Variants in HS3ST4 observed in about 807,000 individuals in gnomAD.
HS3ST4 encodes the protein heparan sulfate-glucosamine 3-sulfotransferase 4.
Under a neutral mutation model 29.2 loss-of-function variants are expected in HS3ST4, and 17 were observed. The ratio of observed to expected loss-of-function variants is 0.58; its 90% CI spans 0.40 to 0.87. HS3ST4 has a LOEUF of 0.87. HS3ST4 is among the 40% of genes least tolerant of loss of function. The pLI is 0.00. For missense variants in HS3ST4, 627 were observed against 634.5 expected, an observed-to-expected ratio of 0.99 and a Z score of 0.13; for synonymous variants, 314 against 285.7, an observed-to-expected ratio of 1.10 and a Z score of -1.00.
At chr16:25,863,789 C>T (rs992529840) in intron 1 of HS3ST4, among the ~76,000 whole-genome samples, 3 of 152,218 alleles carry the variant, frequency 2.0e-5, no homozygotes, top group Non-Finnish European at 4.4e-5. Flanking sequence ...CCTTTCTAAT[C>T]CTTGAACATC....
At chr16:26,115,032 A>C (rs953085727) in intron 1 of HS3ST4, among the ~76,000 whole-genome samples, 1 of 152,144 alleles carries the variant, frequency 6.6e-6, no homozygotes, top group Non-Finnish European at 1.5e-5. Flanking sequence ...ATACCATAAA[A>C]CATTCATTTT....
chr16:26,130,462 TG>T (rs1166606428), intron 1 of HS3ST4, among the ~76,000 whole-genome samples: 2 of 152,106 alleles, frequency 1.3e-5, no homozygotes, highest in Non-Finnish European at 2.9e-5. Context: ...CAAATAGTAA[TG>T]GGGCAGCTAG....
chr16:25,897,133 G>A (rs1018347403), intron 1 of HS3ST4, among the ~76,000 whole-genome samples: 1 of 152,042 alleles, frequency 6.6e-6, no homozygotes, highest in East Asian at 1.9e-4. Flanking sequence ...CTGCACATGT[G>A]CCCCCAGAGT....
At chr16:26,120,726 A>G (rs765413061) in intron 1 of HS3ST4, among the ~76,000 whole-genome samples, 1 of 152,238 alleles carries the variant, frequency 6.6e-6, no homozygotes, top group Non-Finnish European at 1.5e-5. Flanking sequence ...GCTTTCACCA[A>G]TAAAATATCA....
intron 1 of HS3ST4, among the ~76,000 whole-genome samples, chr16:25,923,130 G>A (rs1475289874): frequency 2.6e-5 from 4 of 152,138 alleles, no homozygotes; most frequent in African/African-American, 9.7e-5. Context: ...TTTAGCCATT[G>A]TTGTACAAAT....
At chr16:25,786,899 T>C (rs997051283) in intron 1 of HS3ST4, among the ~76,000 whole-genome samples, 17 of 152,160 alleles carry the variant, frequency 1.1e-4, no homozygotes, top group African/African-American at 4.1e-4. Flanking sequence ...GCAGCATGAA[T>C]GGAAAAAATT....
intron 1 of HS3ST4, among the ~76,000 whole-genome samples, chr16:26,045,765 A>G (rs1185612225): frequency 6.6e-6 from 1 of 152,126 alleles, no homozygotes; most frequent in Non-Finnish European, 1.5e-5. Flanking sequence ...GTTTTCCTGC[A>G]CTTTTATAAC....
chr16:26,125,069 T>C (rs1252852850), intron 1 of HS3ST4, among the ~76,000 whole-genome samples: 2 of 152,250 alleles, frequency 1.3e-5, no homozygotes, highest in African/African-American at 4.8e-5. Flanking sequence ...ATCACGAACA[T>C]CATTTGTTGA....
chr16:25,919,460 G>A (rs1474827973), intron 1 of HS3ST4, among the ~76,000 whole-genome samples: 1 of 152,222 alleles, frequency 6.6e-6, no homozygotes. Context: ...CTCAAATAGA[G>A]TGGTTGAGAA....
rs142318799 is a variant in HS3ST4, at chr16:25,983,713, A to G, written c.735-151899A>G. On this transcript the variant is annotated intron_variant, in intron 1 of 1. Coordinates refer to ENST00000331351, the MANE Select transcript of HS3ST4 (RefSeq NM_006040.3). ...ATAGTCTTGGCTCTAAGTGAGTTGA[A>G]TGAATGAATGAAAGTGTGAAGTGTG... is the stretch of plus-strand genomic sequence containing the variant. 1.9e-4 allele frequency among the ~76,000 whole-genome samples: 29 copies of G among 152,288 alleles called. No individual in the cohort carries two copies. The East Asian group carries it at 4.6e-3, about 24-fold the overall frequency.
intron 1 of HS3ST4, among the ~76,000 whole-genome samples, chr16:25,783,405 T>C (rs1218663624): frequency 1.3e-5 from 2 of 152,176 alleles, no homozygotes; most frequent in Non-Finnish European, 2.9e-5. Flanking sequence ...GCTGCATTGA[T>C]GTCAGTTGTC....
At chr16:25,907,660 G>A (rs112352363) in intron 1 of HS3ST4, among the ~76,000 whole-genome samples, 14,598 of 152,174 alleles carry the variant, frequency 0.096, 924 homozygotes, top group Non-Finnish European at 0.12. Flanking sequence ...TATTTACCCT[G>A]CTCAAAGTGC....
Position 25,857,278 on chromosome 16 carries a change from T to C in HS3ST4, c.734+164127T>C, listed in dbSNP as rs568921660. Among the ~76,000 whole-genome samples the C allele has an allele frequency of 3.3e-5, 5 of 152,330 alleles. No individual in the cohort carries two copies. The East Asian group carries it at 5.8e-4, about 18-fold the overall frequency. On this transcript the variant is annotated intron_variant, in intron 1 of 1. Coordinates refer to ENST00000331351, the MANE Select transcript of HS3ST4 (RefSeq NM_006040.3). ...CTCTTAACTCTCTGGATTCATCAAC[T>C]GTCTCTCCTAATTATAAGGTGGCAG...
At chr16:25,800,056 GCCTTCCTGCCTTCCTTCCTTCCTTCCTT>G (rs1966917512) in intron 1 of HS3ST4, among the ~76,000 whole-genome samples, 3 of 143,892 alleles carry the variant, frequency 2.1e-5, no homozygotes, top group Admixed American at 6.9e-5. Context: ...CTTCCTTCTT[GCCTTCCTGCCTTCCTTCCTTCCTTCCTT>G]CCTTCCTGCC....
intron 1 of HS3ST4, among the ~76,000 whole-genome samples, chr16:25,924,978 G>A (rs1481985180): frequency 1.3e-5 from 2 of 152,052 alleles, no homozygotes; most frequent in Non-Finnish European, 2.9e-5. Flanking sequence ...CAACACGTAG[G>A]AATTTCCTGG....
intron 1 of HS3ST4, among the ~76,000 whole-genome samples, chr16:25,909,051 G>T (rs1177248694): frequency 6.6e-6 from 1 of 152,178 alleles, no homozygotes; most frequent in Admixed American, 6.5e-5. Flanking sequence ...TTCTGCCCTG[G>T]TCAGGATTTC....
intron 1 of HS3ST4, among the ~76,000 whole-genome samples, chr16:25,949,898 G>A (rs906854666): frequency 2.6e-5 from 4 of 152,096 alleles, no homozygotes; most frequent in Non-Finnish European, 5.9e-5. Context: ...CTAAAAAATG[G>A]GTCCCAGAGG....
At chr16:25,961,430 A>T (rs1968791890) in intron 1 of HS3ST4, among the ~76,000 whole-genome samples, 3 of 152,206 alleles carry the variant, frequency 2.0e-5, no homozygotes, top group African/African-American at 7.2e-5. Context: ...GTCTCCACTC[A>T]TGTAGATTCA....
chr16:26,040,933 A>T (rs1224646871), intron 1 of HS3ST4, among the ~76,000 whole-genome samples: 1 of 152,176 alleles, frequency 6.6e-6, no homozygotes, highest in Non-Finnish European at 1.5e-5. Context: ...CGAGATGGAA[A>T]CTACCTAGGC....
Sources: gnomAD v4.1 joint callset for allele counts (sites outside exome capture counted in the v4.1 genomes callset) on GRCh38, gnomAD v4.1.1 for gene constraint, MANE v1.5 for transcripts, NCBI Gene and HGNC (gene_info 2026-07-23, HGNC 2026-07-21) for gene names.